Variants in CARD9 observed in about 807,000 individuals in gnomAD.
CARD9 encodes the protein caspase recruitment domain-containing protein 9.
CARD9 carries 53 observed loss-of-function variants against 66.0 expected under a neutral mutation model. That is an observed-to-expected ratio of 0.80 (90% CI 0.64 to 1.01). CARD9 has a LOEUF of 1.01. CARD9 is among the 50% of genes least tolerant of loss of function. CARD9 has a pLI of 0.00. For missense variants in CARD9, 769 were observed against 743.2 expected, an observed-to-expected ratio of 1.03 and a Z score of -0.40; for synonymous variants, 387 against 313.8, an observed-to-expected ratio of 1.23 and a Z score of -2.47.
At position 136,370,525 on chromosome 9, in the gene CARD9, G is replaced by A. The variant is rs1833238669; in HGVS notation, c.804C>T (p.Val268=). ...CCTGCCCTGCCTACGGCCCCACCTGGACGGAGGCCTCCAGCTCCTGCACCC... is the reference window on the plus strand; with the variant it reads ...CCTGCCCTGCCTACGGCCCCACCTGAACGGAGGCCTCCAGCTCCTGCACCC... ...QARVQELEAS[V]QEGKLDRSSP... Residue 268 remains valine, a synonymous_variant, in exon 5 of 13, where the codon GTC becomes GTT. Coordinates refer to ENST00000371732, the MANE Select transcript of CARD9 (RefSeq NM_052813.5). 1.9e-6 allele frequency: 3 copies of A among 1,600,226 alleles called. No homozygotes were observed. The highest frequency in any genetic ancestry group is 2.6e-6 in the Non-Finnish European group (3 of 1,175,070).
rs768564945 is a variant in CARD9, at chr9:136,370,943, G to A, written c.525C>T (p.Leu175=). 8.1e-6 allele frequency: 13 copies of A among 1,612,014 alleles called. No individual in the cohort carries two copies. The highest frequency in any genetic ancestry group is 1.1e-5 in the Non-Finnish European group (13 of 1,179,734). The part of the protein sequence containing the change: ...KEECEAGSRE[L]KRCKEENYDL... ...CGTAGTTCTCCTCCTTGCAGCGCTTGAGCTCGCGGCTGCCGGCCTCGCACT... is the reference window on the plus strand; with the variant it reads ...CGTAGTTCTCCTCCTTGCAGCGCTTAAGCTCGCGGCTGCCGGCCTCGCACT... Residue 175 remains leucine, a synonymous_variant, in exon 4 of 13, where the codon CTC becomes CTT. Transcript: ENST00000371732.
In CARD9 at chr9:136,372,025, C is replaced by T. The variant is rs761273064; in HGVS notation, c.54G>A (p.Arg18=). 1.2e-6 allele frequency: 2 copies of T among 1,612,808 alleles called. No homozygotes were observed. The highest frequency in any genetic ancestry group is 1.7e-6 in the Non-Finnish European group (2 of 1,179,966). Residue 18 remains arginine (R), a synonymous_variant, in exon 2 of 13, where the codon CGG becomes CGA. Transcript: ENST00000371732. ...DECWSVLEGF[R]VTLTSVIDPS... ...GGTCGATGACCGAGGTGAGCGTCAC[C>T]CGGAAGCCCTCCAGGACGCTCCAGC...
chr9:136,370,960 C>G lies in CARD9; in HGVS notation c.508G>C (p.Ala170Pro). The change falls in exon 4 of 13, where the codon GCC (alanine) becomes CCC (proline). Residue 170 changes from alanine (A) to proline (P), a missense_variant. Transcript: ENST00000371732. Reference protein sequence around the residue: ...RVQRLKEECEAGSRELKRCKE... With the variant: ...RVQRLKEECEPGSRELKRCKE... ...CAGCGCTTGAGCTCGCGGCTGCCGGCCTCGCACTCCTCCTTGAGCCTCTGC... is the reference window on the plus strand; with the variant it reads ...CAGCGCTTGAGCTCGCGGCTGCCGGGCTCGCACTCCTCCTTGAGCCTCTGC... 1 of 1,610,738 alleles carries G rather than the reference C, an allele frequency of 6.2e-7. No individual in the cohort carries two copies. Among genetic ancestry groups the G allele is most frequent in the Non-Finnish European group, 8.5e-7 (1 of 1,179,100 alleles).
chr9:136,367,989 AGTC>A, intron 7 of CARD9, 161 bp from the exon 8 acceptor site: 1 of 1,425,578 alleles, frequency 7.0e-7, no homozygotes, highest in Non-Finnish European at 9.2e-7. Context: ...GCGGACACGA[AGTC>A]AGCACGTGGG....
rs988070503 is a variant in CARD9, at chr9:136,367,675, C to T, written c.1231G>A (p.Gly411Ser). The change falls in exon 8 of 13, where the codon GGC (glycine) becomes AGC (serine). Residue 411 changes from glycine (G) to serine (S), a missense_variant. Physicochemically the swap from Gly to Ser is moderately conservative, Grantham distance 56 (BLOSUM62 0). Transcript: ENST00000371732. ...QCEAQLLAVE[G>S]RLRRQQLETL... ...TCCAGCTGCTGCCGCCTGAGCCTGCCCTCCACGGCCAGTAGCTGCGCCTCA... is the reference window on the plus strand; with the variant it reads ...TCCAGCTGCTGCCGCCTGAGCCTGCTCTCCACGGCCAGTAGCTGCGCCTCA... 1.3e-6 allele frequency: 2 copies of T among 1,598,796 alleles called. No individual in the cohort carries two copies. Among genetic ancestry groups the T allele is most frequent in the Non-Finnish European group, 1.7e-6 (2 of 1,177,824 alleles).
Position 136,372,056 on chromosome 9 carries a change from T to C in CARD9, c.23A>G (p.Asp8Gly). 6.2e-7 allele frequency: 1 copy of C among 1,612,704 alleles called. No homozygotes were observed. Among genetic ancestry groups the C allele is most frequent in the Non-Finnish European group, 8.5e-7 (1 of 1,179,962 alleles). Residue 8 changes from aspartate to glycine, a missense_variant, in exon 2 of 13, where the codon GAC becomes GGC. Asp to Gly is a moderately conservative substitution (Grantham distance 94, BLOSUM62 -1). Transcript: ENST00000371732. ...GCCCTCCAGGACGCTCCAGCACTCG[T>C]CATCGTTCTCGTAGTCCGACATGGC... MSDYEND[D>G]ECWSVLEGFR...
chr9:136,373,120 G>T (rs935618946), intron 1 of CARD9, among the ~76,000 whole-genome samples: 1 of 152,248 alleles, frequency 6.6e-6, no homozygotes, highest in Non-Finnish European at 1.5e-5. Flanking sequence ...GGGAAACGCT[G>T]GTTTCCAGCC....
In CARD9 at chr9:136,371,878, C is replaced by G; in HGVS notation, c.184+17G>C. ...GTGGTTGGGTTTGGGGCCTGGGGCCCGCGGGGCAACACTGACCCACTTTCC... is the reference window on the plus strand; with the variant it reads ...GTGGTTGGGTTTGGGGCCTGGGGCCGGCGGGGCAACACTGACCCACTTTCC... On this transcript the variant is annotated intron_variant, in intron 2 of 12. Transcript: ENST00000371732. The G allele has an allele frequency of 6.3e-7, 1 of 1,580,126 alleles. No individual in the cohort carries two copies.
intron 10 of CARD9, chr9:136,366,473 G>GT (rs1833126397): frequency 2.3e-6 from 1 of 438,680 alleles, no homozygotes; most frequent in Admixed American, 3.6e-5. Context: ...TCTGCACCCC[G>GT]TGGGGGCTGC....
intron 8 of CARD9, 44 bp downstream of exon 8, chr9:136,367,593 T>C: frequency 6.6e-7 from 1 of 1,526,268 alleles, no homozygotes. Flanking sequence ...TGGCCCTGCA[T>C]CCCACGCGCC....
chr9:136,367,070 C>T (rs1433425858), intron 9 of CARD9, 146 bp downstream of exon 9: 4 of 1,072,946 alleles, frequency 3.7e-6, no homozygotes, highest in East Asian at 5.2e-5. Flanking sequence ...GAGGCCTTAG[C>T]ATTTGGCCAC....
intron 7 of CARD9, among the ~76,000 whole-genome samples, chr9:136,368,688 A>G (rs1336929208): frequency 2.0e-5 from 3 of 152,248 alleles, no homozygotes; most frequent in African/African-American, 7.2e-5. Flanking sequence ...TCCGGCTCAC[A>G]GCACGTAGCA....
intron 8 of CARD9, 78 bp from the exon 9 acceptor site, chr9:136,367,335 C>A: frequency 6.6e-7 from 1 of 1,506,076 alleles, no homozygotes; most frequent in Non-Finnish European, 9.1e-7. Flanking sequence ...GGGCACAGAG[C>A]GGGATCCTCC....
At chr9:136,372,148 GC>G in intron 1 of CARD9, 54 bp from the exon 2 acceptor site, 1 of 1,593,964 alleles carries the variant, frequency 6.3e-7, no homozygotes, top group South Asian at 1.1e-5. Flanking sequence ...CCCCACCCGG[GC>G]CCAGCTCCCA....
rs372648269 is a variant in CARD9 at position 136,370,804 on chromosome 9, C to T, written c.627+37G>A. 5.8e-4 allele frequency: 929 copies of T among 1,596,818 alleles called. 1 individual carries two copies. Among genetic ancestry groups the T allele is most frequent in the Non-Finnish European group, 7.1e-4 (834 of 1,169,624 alleles). ...GGCCTGCAGACCCCGCCAGGCCAGGCGAGGGTGGCCTGGTTTCCCGGGGGC... is the reference window on the plus strand; with the variant it reads ...GGCCTGCAGACCCCGCCAGGCCAGGTGAGGGTGGCCTGGTTTCCCGGGGGC... On this transcript the variant is annotated intron_variant, in intron 4 of 12. Transcript: ENST00000371732.
chr9:136,370,959 G>A lies in CARD9; in HGVS notation c.509C>T (p.Ala170Val), dbSNP rs758753704. 5 of 1,610,926 alleles carry A rather than the reference G, an allele frequency of 3.1e-6. No homozygotes were observed. The highest frequency in any genetic ancestry group is 3.4e-6 in the Non-Finnish European group (4 of 1,179,200). The change falls in exon 4 of 13, where the codon GCC becomes GTC. Residue 170 changes from alanine to valine, a missense_variant. Physicochemically the swap from Ala to Val is moderately conservative, Grantham distance 64. Transcript: ENST00000371732. ...GCAGCGCTTGAGCTCGCGGCTGCCG[G>A]CCTCGCACTCCTCCTTGAGCCTCTG... ...RVQRLKEECE[A>V]GSRELKRCKE...
Position 136,367,763 on chromosome 9 carries a change from C to T in CARD9, c.1143G>A (p.Leu381=). The change falls in exon 8 of 13, where the codon CTG becomes CTA. Residue 381 remains leucine (L), a synonymous_variant. Transcript: ENST00000371732. ...HARGLQEKDA[L]RKQVRELGEK... ...CGCCCAGCTCCCGCACCTGCTTGCGCAGCGCGTCCTTCTCCTGCAGGCCCC... is the reference window on the plus strand; with the variant it reads ...CGCCCAGCTCCCGCACCTGCTTGCGTAGCGCGTCCTTCTCCTGCAGGCCCC... 1 of 1,605,104 alleles carries T rather than the reference C, an allele frequency of 6.2e-7. No individual in the cohort carries two copies. Among genetic ancestry groups the T allele is most frequent in the South Asian group, 1.1e-5 (1 of 90,990 alleles).
intron 7 of CARD9, among the ~76,000 whole-genome samples, chr9:136,369,439 C>G (rs10870077): frequency 0.38 from 58,016 of 152,110 alleles, 11,461 homozygotes; most frequent in Admixed American, 0.47. Flanking sequence ...TTTTCCCTGA[C>G]AGTAGGCTGG....
intron 2 of CARD9, 75 bp from the exon 3 acceptor site, chr9:136,371,536 A>T: frequency 6.6e-7 from 1 of 1,513,264 alleles, no homozygotes; most frequent in Non-Finnish European, 8.9e-7. Context: ...GCCTGGGGGC[A>T]GGGACAGGTG....
Sources: allele counts gnomAD v4.1 joint callset (sites outside exome capture counted in the v4.1 genomes callset), GRCh38; gene constraint gnomAD v4.1.1; transcripts MANE v1.5; gene names NCBI Gene and HGNC (gene_info 2026-07-23, HGNC 2026-07-21).